RPA1: variants seen among roughly 807,000 people sequenced by gnomAD.
The protein encoded by RPA1 is replication protein A1.
In RPA1, 49 loss-of-function variants were observed where a neutral mutation model predicts 83.0. The ratio of observed to expected loss-of-function variants is 0.59; its 90% CI spans 0.47 to 0.75. RPA1 has a LOEUF of 0.75. RPA1 is among the 30% of genes least tolerant of loss of function. The pLI, the probability that RPA1 is intolerant of heterozygous loss-of-function variation, is 0.00. For synonymous variants in RPA1, 279 were observed against 281.8 expected (o/e 0.99, Z 0.10); for missense variants, 693 against 776.1 (o/e 0.89, Z 1.27).
chr17:1,899,777 A>G lies in RPA1; in HGVS notation c.*2602A>G, dbSNP rs1190271346. ...TATATTGACTCATGTTTCTTTGGCA[A>G]TATGCCGCCCAAGGTTTTATTTATA... On this transcript the variant is annotated 3_prime_UTR_variant, in exon 17 of 17. Coordinates refer to ENST00000254719, the MANE Select transcript of RPA1 (RefSeq NM_002945.5). 1 of 152,230 alleles carries G rather than the reference A, an allele frequency of 6.6e-6. No homozygotes were observed. Among genetic ancestry groups the G allele is most frequent in the Non-Finnish European group, 1.5e-5 (1 of 68,038 alleles). 9.4% of individuals were successfully genotyped at this position (152,230 alleles called of 1,614,324 possible).
At chr17:1,864,846 G>A (rs988403471) in intron 5 of RPA1, among the ~76,000 whole-genome samples, 1 of 152,210 alleles carries the variant, frequency 6.6e-6, no homozygotes, top group East Asian at 1.9e-4. Context: ...GTTGCAGTGA[G>A]CCGAGATTGT....
intron 15 of RPA1, among the ~76,000 whole-genome samples, chr17:1,893,477 T>C (rs1405800053): frequency 6.6e-6 from 1 of 152,276 alleles, no homozygotes; most frequent in African/African-American, 2.4e-5. Flanking sequence ...AAGTAACCTT[T>C]ACAGAAAAGA....
intron 12 of RPA1, among the ~76,000 whole-genome samples, chr17:1,883,460 C>G (rs1689057014): frequency 6.6e-6 from 1 of 152,026 alleles, no homozygotes; most frequent in South Asian, 2.1e-4. Flanking sequence ...TGCGCCCAGC[C>G]TAAAAAAAAT....
At chr17:1,890,334 A>C (rs976695462) in intron 14 of RPA1, among the ~76,000 whole-genome samples, 19 of 152,108 alleles carry the variant, frequency 1.2e-4, no homozygotes, top group Non-Finnish European at 2.5e-4. Context: ...ACTGCACTCC[A>C]GCCTGGGTGA....
intron 5 of RPA1, among the ~76,000 whole-genome samples, chr17:1,854,520 G>GGAA (rs1232851405): frequency 6.6e-6 from 1 of 152,174 alleles, no homozygotes; most frequent in East Asian, 1.9e-4. Flanking sequence ...GGGTAACACA[G>GGAA]GAAGACCCCA....
At chr17:1,851,939 C>CA (rs1332928372) in intron 4 of RPA1, among the ~76,000 whole-genome samples, 14 of 143,804 alleles carry the variant, frequency 9.7e-5, no homozygotes, top group African/African-American at 3.1e-4. Context: ...TGTAAAAATC[C>CA]AAAAACAGCA....
At chr17:1,883,776 C>A in intron 12 of RPA1, 36 bp from the exon 13 acceptor site, 1 of 1,612,726 alleles carries the variant, frequency 6.2e-7, no homozygotes, top group Non-Finnish European at 8.5e-7. Flanking sequence ...CATGTCACAT[C>A]AAGCGCTCGT....
At chr17:1,881,273 G>C (rs1913786239) in intron 12 of RPA1, among the ~76,000 whole-genome samples, 1 of 152,128 alleles carries the variant, frequency 6.6e-6, no homozygotes, top group Admixed American at 6.5e-5. Flanking sequence ...TGAGACACAG[G>C]ATGCAAGAAT....
At position 1,844,113 on chromosome 17, in the gene RPA1, C is replaced by A. The variant is rs189247147; in HGVS notation, c.163+115C>A. On this transcript the variant is annotated intron_variant, in intron 3 of 16. Transcript: ENST00000254719. ...CGTGAAGTCCGTACTTGCTTGGCTA[C>A]GTACTTCATTCAGACAGAATTGCAG... is the stretch of plus-strand genomic sequence containing the variant. 7.7e-6 allele frequency: 6 copies of A among 780,740 alleles called. No individual in the cohort carries two copies. The East Asian group carries it at 1.6e-4, about 21-fold the overall frequency. The allele number at this position is 780,740 out of a possible 1,614,324, so 48.4% of individuals were successfully genotyped here.
chr17:1,874,032 T>TATATATACACAC (rs1171343408), intron 6 of RPA1, among the ~76,000 whole-genome samples: 17 of 79,256 alleles, frequency 2.1e-4, no homozygotes, highest in African/African-American at 1.0e-3. Flanking sequence ...TATATATATA[T>TATATATACACAC]ACACACACAC....
At chr17:1,896,924 G>C (rs1914454804) in intron 16 of RPA1, 147 bp from the exon 17 acceptor site, 2 of 694,400 alleles carry the variant, frequency 2.9e-6, no homozygotes, top group Admixed American at 4.2e-5. Flanking sequence ...CATTCAGGAG[G>C]AGGCTGTCAC....
chr17:1,850,050 T>C (rs1304795964), intron 4 of RPA1, among the ~76,000 whole-genome samples: 1 of 151,144 alleles, frequency 6.6e-6, no homozygotes, highest in Non-Finnish European at 1.5e-5. Context: ...CACATGCCTA[T>C]AGTCCCAGCT....
chr17:1,874,959 C>T lies in RPA1; in HGVS notation c.455-702C>T, dbSNP rs541157263. ...CTAAATTATATTTTCTGAATTTGGA[C>T]GTTGAGTTTTGCAGATACGTGGTGC... On this transcript the variant is annotated intron_variant, in intron 6 of 16. Coordinates refer to ENST00000254719, the MANE Select transcript of RPA1 (RefSeq NM_002945.5). Among the ~76,000 whole-genome samples the T allele has an allele frequency of 8.4e-4, 128 of 152,260 alleles. 1 individual carries two copies. The highest frequency in any genetic ancestry group is 1.5e-3 in the Non-Finnish European group (99 of 68,018).
intron 5 of RPA1, among the ~76,000 whole-genome samples, chr17:1,869,161 C>T (rs1372064567): frequency 1.3e-5 from 2 of 152,154 alleles, no homozygotes; most frequent in Non-Finnish European, 2.9e-5. Context: ...TTTTTCTCTG[C>T]GATGGCTCAC....
At chr17:1,840,140 T>C (rs1233053594) in intron 1 of RPA1, among the ~76,000 whole-genome samples, 1 of 151,832 alleles carries the variant, frequency 6.6e-6, no homozygotes, top group Non-Finnish European at 1.5e-5. Context: ...CAGACGTTTG[T>C]TTGTTTGTTT....
chr17:1,896,771 A>T (rs1298308913), intron 16 of RPA1, among the ~76,000 whole-genome samples: 1 of 152,208 alleles, frequency 6.6e-6, no homozygotes, highest in Non-Finnish European at 1.5e-5. Context: ...TATCCCCTGC[A>T]GTAGGGAGAA....
chr17:1,875,752 C>T lies in RPA1; in HGVS notation c.546C>T (p.Ser182=), dbSNP rs368800010. ...SLSHTSGGTQ[S]KVVPIASLTP... ...CACACACTTCTGGGGGAACACAGTC[C>T]AAAGTGGTGCCCATTGCCAGCCTCA... The change falls in exon 7 of 17, where the codon TCC becomes TCT. Residue 182 remains serine (S), a synonymous_variant. Coordinates refer to ENST00000254719, the MANE Select transcript of RPA1 (RefSeq NM_002945.5). 5 of 1,614,012 alleles carry T rather than the reference C, an allele frequency of 3.1e-6. No homozygotes were observed. Among genetic ancestry groups the T allele is most frequent in the African/African-American group, 1.3e-5 (1 of 74,900 alleles).
At chr17:1,894,966 T>C in intron 15 of RPA1, 43 bp from the exon 16 acceptor site, 1 of 1,508,512 alleles carries the variant, frequency 6.6e-7, no homozygotes. Flanking sequence ...TTGCAAGTTG[T>C]CCAGTGGTTT....
At chr17:1,896,901 G>A (rs997723646) in intron 16 of RPA1, among the ~76,000 whole-genome samples, 170 bp from the exon 17 acceptor site, 3 of 152,110 alleles carry the variant, frequency 2.0e-5, no homozygotes, top group Non-Finnish European at 2.9e-5. Context: ...CTGTTCACTC[G>A]CCCAGCCCCA....
Sources: allele counts gnomAD v4.1 joint callset (sites outside exome capture counted in the v4.1 genomes callset), GRCh38; gene constraint gnomAD v4.1.1; transcripts MANE v1.5; gene names NCBI Gene and HGNC (gene_info 2026-07-23, HGNC 2026-07-21).